SV2B: variants seen among roughly 807,000 people sequenced by gnomAD.
SV2B encodes solute carrier family 22 member B2.
Under a neutral mutation model 73.9 loss-of-function variants are expected in SV2B, and 41 were observed. The observed-to-expected ratio is 0.56, with a 90% CI of 0.43 to 0.72. SV2B has a LOEUF of 0.72. SV2B is among the 30% of genes least tolerant of loss of function. The pLI is 0.00. For missense variants in SV2B, 764 were observed against 857.8 expected (o/e 0.89, Z 1.37); for synonymous variants, 314 against 314.2 (o/e 1.00, Z 0.01).
chr15:91,188,537 G>A (rs185338763), intron 1 of SV2B, among the ~76,000 whole-genome samples: 3 of 151,954 alleles, frequency 2.0e-5, no homozygotes, highest in South Asian at 2.1e-4. Context: ...GGATGGTCTC[G>A]ATCTTCTGAC....
chr15:91,281,821 C>T lies in SV2B; in HGVS notation c.1467C>T (p.Phe489=). The T allele has an allele frequency of 3.7e-6, 6 of 1,613,062 alleles. No homozygotes were observed. Among genetic ancestry groups the T allele is most frequent in the Non-Finnish European group, 5.1e-6 (6 of 1,179,464 alleles). ...FEDVTSTDTY[F]KNCTIESTIF... ...ACGTAACATCAACAGATACCTACTT[C>T]AAAAATTGTACCATTGAATCAACCA... Residue 489 remains phenylalanine, a synonymous_variant, in exon 10 of 13, where the codon TTC becomes TTT. Coordinates refer to ENST00000394232, the MANE Select transcript of SV2B (RefSeq NM_001323032.3). The surrounding 1 kb of genome is among the most constrained non-coding windows in gnomAD (Gnocchi z 4.7).
intron 1 of SV2B, among the ~76,000 whole-genome samples, chr15:91,205,805 T>G (rs2045614252): frequency 6.6e-6 from 1 of 152,140 alleles, no homozygotes; most frequent in African/African-American, 2.4e-5. Context: ...CCAATATCAT[T>G]TAGTCTAGGT....
At chr15:91,100,218 G>C (rs564765352), upstream of SV2B, 37 of 152,196 alleles carry the variant, frequency 2.4e-4, no homozygotes, top group Non-Finnish European at 2.8e-4. The surrounding 1 kb of genome is among the most constrained non-coding windows in gnomAD (Gnocchi z 6.4). Context: ...CGGCGTGGGC[G>C]CGGTGATGCA....
rs1358937203 is a variant in SV2B, at chr15:91,137,086, A to G, written c.-392+36723A>G. ...AAACCAGTTATTGGGGTGACTCGTAAGAAGCAGGCAGTCACTGAGCCTCAG... is the reference window on the plus strand; with the variant it reads ...AAACCAGTTATTGGGGTGACTCGTAGGAAGCAGGCAGTCACTGAGCCTCAG... On this transcript the variant is annotated intron_variant, in intron 1 of 12. Coordinates refer to ENST00000394232, the MANE Select transcript of SV2B (RefSeq NM_001323032.3). This position sits in a 1 kb window ranked among gnomAD's most constrained non-coding sequence, Gnocchi z 4.9. Among the ~76,000 whole-genome samples, 2 of 152,238 alleles carry G rather than the reference A, an allele frequency of 1.3e-5. No individual in the cohort carries two copies. The highest frequency in any genetic ancestry group is 6.5e-5 in the Admixed American group (1 of 15,292).
intron 1 of SV2B, among the ~76,000 whole-genome samples, chr15:91,119,015 C>T (rs534958609): frequency 1.3e-5 from 2 of 152,134 alleles, no homozygotes; most frequent in Non-Finnish European, 2.9e-5. Flanking sequence ...TACTCCTAAT[C>T]CTCAGCTTCT....
intron 6 of SV2B, among the ~76,000 whole-genome samples, chr15:91,263,161 AACACAGAC>A (rs1030387120): frequency 2.7e-5 from 4 of 150,164 alleles, no homozygotes; most frequent in East Asian, 2.0e-4. Flanking sequence ...GACACACATG[AACACAGAC>A]ACACAGACAC....
At chr15:91,164,105 T>G (rs561509290) in intron 1 of SV2B, among the ~76,000 whole-genome samples, 13 of 152,306 alleles carry the variant, frequency 8.5e-5, no homozygotes, top group South Asian at 2.1e-4. Flanking sequence ...AGGGCTCTGT[T>G]CTGTTTCATT....
In SV2B at chr15:91,129,749, G is replaced by C. The variant is rs904184732; in HGVS notation, c.-392+29386G>C. On this transcript the variant is annotated intron_variant, in intron 1 of 12. Coordinates refer to ENST00000394232, the MANE Select transcript of SV2B (RefSeq NM_001323032.3). The surrounding 1 kb of genome is among the most constrained non-coding windows in gnomAD (Gnocchi z 5.1). ...AGTATAACTTCGTGGCTTCTGGCCT[G>C]TGCCCTGGAGTTGGAGAGCCTGGAT... Among the ~76,000 whole-genome samples, 1 of 152,220 alleles carries C rather than the reference G, an allele frequency of 6.6e-6. No individual in the cohort carries two copies. The highest frequency in any genetic ancestry group is 1.9e-4 in the East Asian group (1 of 5,190).
chr15:91,279,768 G>A (rs10520696), intron 9 of SV2B, among the ~76,000 whole-genome samples: 9,245 of 152,262 alleles, frequency 0.061, 968 homozygotes, highest in African/African-American at 0.21. Flanking sequence ...ATTAAGAAAA[G>A]CAAAGGTCTG....
intron 1 of SV2B, among the ~76,000 whole-genome samples, chr15:91,212,615 A>G (rs2045905707): frequency 6.6e-6 from 1 of 152,012 alleles, no homozygotes; most frequent in African/African-American, 2.4e-5. Flanking sequence ...GGGTGTATTT[A>G]ATGGCAAGGT....
At chr15:91,205,860 C>A (rs1173113698) in intron 1 of SV2B, among the ~76,000 whole-genome samples, 1 of 152,062 alleles carries the variant, frequency 6.6e-6, no homozygotes, top group African/African-American at 2.4e-5. Flanking sequence ...AAATCTCAAC[C>A]CAAAGGTCAG....
In SV2B at chr15:91,302,122, T is replaced by G. The variant is rs1415315958; in HGVS notation, c.*9570T>G. On this transcript the variant is annotated 3_prime_UTR_variant, in exon 13 of 13. Transcript: ENST00000394232. ...GACTGTGACCTAATAAAACCCTCATTTTCCCTATGCATTGTGACTAACACA... is the reference window on the plus strand; with the variant it reads ...GACTGTGACCTAATAAAACCCTCATGTTCCCTATGCATTGTGACTAACACA... Among the ~76,000 whole-genome samples the G allele has an allele frequency of 1.3e-5, 2 of 152,228 alleles. No homozygotes were observed. The highest frequency in any genetic ancestry group is 3.8e-4 in the East Asian group (2 of 5,204).
intron 1 of SV2B, among the ~76,000 whole-genome samples, chr15:91,158,685 T>TTCC (rs2043586932): frequency 1.6e-5 from 1 of 61,470 alleles, no homozygotes; most frequent in African/African-American, 6.5e-5. Context: ...TCTTCTCTTC[T>TTCC]CTTCTCTTCT....
At chr15:91,102,244 C>T (rs2041749184) in intron 1 of SV2B, 1 of 152,104 alleles carries the variant, frequency 6.6e-6, no homozygotes, top group South Asian at 2.1e-4. Context: ...GTTACATGCG[C>T]CTACATCATC....
At chr15:91,250,991 A>G (rs2047460375) in intron 2 of SV2B, among the ~76,000 whole-genome samples, 1 of 152,234 alleles carries the variant, frequency 6.6e-6, no homozygotes, top group South Asian at 2.1e-4. Flanking sequence ...AGATTTGGAT[A>G]GGCAAAGCAG....
chr15:91,125,781 C>CAAAAAAAAAAAAAAAAAAAAAAAA (rs200016125), intron 1 of SV2B, among the ~76,000 whole-genome samples: 24 of 57,070 alleles, frequency 4.2e-4, no homozygotes, highest in African/African-American at 9.6e-4. Flanking sequence ...TCTCAAGGGG[C>CAAAAAAAAAAAAAAAAAAAAAAAA]AAAAAAAAAA....
intron 1 of SV2B, among the ~76,000 whole-genome samples, chr15:91,135,572 C>G (rs2042795887): frequency 6.6e-6 from 1 of 152,160 alleles, no homozygotes; most frequent in South Asian, 2.1e-4. Flanking sequence ...ATAAGTCACC[C>G]ATAACTGTGG....
chr15:91,249,167 C>T (rs976303081), intron 2 of SV2B, among the ~76,000 whole-genome samples: 3 of 152,060 alleles, frequency 2.0e-5, no homozygotes, highest in South Asian at 2.1e-4. Context: ...GATTCCCCTA[C>T]ATGAACTATG....
At chr15:91,174,721 A>G (rs1461676341) in intron 1 of SV2B, among the ~76,000 whole-genome samples, 3 of 152,220 alleles carry the variant, frequency 2.0e-5, no homozygotes, top group African/African-American at 7.2e-5. Flanking sequence ...CTTTTCTACA[A>G]TAGCCCTCCA....
Sources: gnomAD v4.1 joint callset for allele counts (sites outside exome capture counted in the v4.1 genomes callset) on GRCh38, gnomAD v4.1.1 for gene constraint, Gnocchi (gnomAD v3.1) non-coding constraint, MANE v1.5 for transcripts, NCBI Gene and HGNC (gene_info 2026-07-23, HGNC 2026-07-21) for gene names.